Variants in CBX8 observed in about 807,000 individuals in gnomAD.
The protein encoded by CBX8 is chromobox protein homolog 8.
Under a neutral mutation model 39.7 loss-of-function variants are expected in CBX8, and 8 were observed. The ratio of observed to expected loss-of-function variants is 0.20; its 90% CI spans 0.12 to 0.36. The LOEUF is 0.36. Among genes scored for constraint, CBX8 ranks in the 10% least tolerant of loss-of-function variants. The probability of loss-of-function intolerance (pLI) is 1.00; values close to 1 mark genes in which losing one functional copy is unlikely to be tolerated. For synonymous variants in CBX8, 268 were observed against 219.8 expected (o/e 1.22, Z -1.94); for missense variants, 505 against 529.6 (o/e 0.95, Z 0.46).
intron 1 of CBX8, 102 bp downstream of exon 1, chr17:79,796,827 TG>T: frequency 8.9e-7 from 1 of 1,118,698 alleles, no homozygotes; most frequent in Non-Finnish European, 1.2e-6. Context: ...CGGCCGCTGC[TG>T]GGACCTGGGG....
chr17:79,795,115 C>G lies in CBX8; in HGVS notation c.690G>C (p.Lys230Asn). The G allele has an allele frequency of 1.2e-6, 2 of 1,613,316 alleles. No homozygotes were observed. Among genetic ancestry groups the G allele is most frequent in the Non-Finnish European group, 8.5e-7 (1 of 1,179,764 alleles). The change falls in exon 5 of 5, where the codon AAG becomes AAC. Residue 230 changes from lysine (K) to asparagine (N), a missense_variant. By Grantham distance (94) the Lys-to-Asn change is moderately conservative. Around this residue, in one of 3 missense-constraint regions of CBX8, gnomAD observed 456 missense variants for 389.2 expected, o/e 1.17. Transcript: ENST00000269385. The surrounding 1 kb of genome is among the most constrained non-coding windows in gnomAD (Gnocchi z 5.8). ...CTGCCCCGGAAGGGGTGTCGTCCAG[C>G]TTCCTGCCCTTGAGGTACTCTCCGA... ...AGLGEYLKGR[K>N]LDDTPSGAGK...
Position 79,797,037 on chromosome 17 carries a change from C to G in CBX8, c.-39G>C, listed in dbSNP as rs1908125123. Reference sequence around the variant, plus strand: ...TTCCCCCCTTGGCCGCTTCCAGGAGCAGAAAAGCAGCAGCCAGCGCACGAC... The same window carrying G: ...TTCCCCCCTTGGCCGCTTCCAGGAGGAGAAAAGCAGCAGCCAGCGCACGAC... On this transcript the variant is annotated 5_prime_UTR_variant, in exon 1 of 5. Transcript: ENST00000269385. The G allele has an allele frequency of 6.3e-7, 1 of 1,588,810 alleles. No individual in the cohort carries two copies. The highest frequency in any genetic ancestry group is 8.6e-7 in the Non-Finnish European group (1 of 1,166,714).
Position 79,795,568 on chromosome 17 carries a change from A to G in CBX8, c.247-10T>C. The G allele has an allele frequency of 6.6e-7, 1 of 1,505,848 alleles. No individual in the cohort carries two copies. The allele number at this position is 1,505,848 out of a possible 1,614,324, so 93.3% of individuals were successfully genotyped here. A position where few individuals can be genotyped will look rare whatever the true frequency, so the allele number is the denominator to read the frequency against. ...TTGCCTTGGCCTGCGCCTGCAGGAG[A>G]GAAGATGGTCTCAAGAGTGGGGCAG... On this transcript the variant is annotated splice_polypyrimidine_tract_variant and intron_variant, in intron 4 of 4. Coordinates refer to ENST00000269385, the MANE Select transcript of CBX8 (RefSeq NM_020649.3). The surrounding 1 kb of genome is among the most constrained non-coding windows in gnomAD (Gnocchi z 5.8).
chr17:79,796,878 C>CCGGGAGGGGAGGGAACCCGGGT, intron 1 of CBX8, 52 bp downstream of exon 1: 1 of 1,525,654 alleles, frequency 6.6e-7, no homozygotes, highest in Non-Finnish European at 8.9e-7. Flanking sequence ...GGAACCCGGG[C>CCGGGAGGGGAGGGAACCCGGGT]CGGGAGGGGA....
In CBX8 at chr17:79,793,456, G is replaced by C. The variant is rs1225930980; in HGVS notation, c.*1179C>G. ...TAGCCCCAGCTCCGAGCTCCGAGCC[G>C]TGGTCCTCAGCCACACTCCAAGCCT... On this transcript the variant is annotated 3_prime_UTR_variant, in exon 5 of 5. Transcript: ENST00000269385. 1 of 152,258 alleles carries C rather than the reference G, an allele frequency of 6.6e-6. No individual in the cohort carries two copies. The highest frequency in any genetic ancestry group is 1.5e-5 in the Non-Finnish European group (1 of 68,052). 9.4% of individuals were successfully genotyped at this position (152,258 alleles called of 1,614,324 possible).
Position 79,794,822 on chromosome 17 carries a change from C to A in CBX8, c.983G>T (p.Gly328Val). The change falls in exon 5 of 5, where the codon GGG becomes GTG. Residue 328 changes from glycine (G) to valine (V), a missense_variant. By Grantham distance (109) the Gly-to-Val change is moderately radical. Coordinates refer to ENST00000269385, the MANE Select transcript of CBX8 (RefSeq NM_020649.3). Reference protein sequence around the residue: ...GGLYRDMGAQGGRPSLIARIP... With the variant: ...GGLYRDMGAQVGRPSLIARIP... ...CCTGGCGATGAGGGAGGGCCTTCCC[C>A]CCTGGGCCCCCATGTCCCGGTACAG... 1 of 1,610,470 alleles carries A rather than the reference C, an allele frequency of 6.2e-7. No homozygotes were observed. The highest frequency in any genetic ancestry group is 8.5e-7 in the Non-Finnish European group (1 of 1,178,562).
In CBX8 at chr17:79,794,968, G is replaced by A. The variant is rs1175057060; in HGVS notation, c.837C>T (p.Thr279=). The A allele has an allele frequency of 6.2e-7, 1 of 1,604,754 alleles. No homozygotes were observed. The highest frequency in any genetic ancestry group is 8.5e-7 in the Non-Finnish European group (1 of 1,175,050). The stretch of plus-strand genomic sequence containing the variant: ...TGTGCTTTATCACCCTGGCCGGGAA[G>A]GTGTCCACAGCCAGTTTGCCCGTGG... ...AEATGKLAVD[T]FPARVIKHRA... Residue 279 remains threonine, a synonymous_variant, in exon 5 of 5, where the codon ACC becomes ACT. Transcript: ENST00000269385.
At position 79,795,229 on chromosome 17, in the gene CBX8, C is replaced by G. The variant is rs200482020; in HGVS notation, c.576G>C (p.Pro192=). ...GGCCTCGCTTCTTCGAGCTGTCCCCCGGTGAGCTGGGCTTGTCATCCACTC... is the reference window on the plus strand; with the variant it reads ...GGCCTCGCTTCTTCGAGCTGTCCCCGGGTGAGCTGGGCTTGTCATCCACTC... ...TSRVDDKPSS[P]GDSSKKRGPK... Residue 192 remains proline (P), a synonymous_variant, in exon 5 of 5, where the codon CCG becomes CCC. Coordinates refer to ENST00000269385, the MANE Select transcript of CBX8 (RefSeq NM_020649.3). This position sits in a 1 kb window ranked among gnomAD's most constrained non-coding sequence, Gnocchi z 5.8. 1.9e-6 allele frequency: 3 copies of G among 1,612,896 alleles called. No homozygotes were observed. The highest frequency in any genetic ancestry group is 8.5e-7 in the Non-Finnish European group (1 of 1,179,622).
rs1482671520 is a variant in CBX8, at chr17:79,795,138, C to T, written c.667G>A (p.Gly223Arg). 3 of 1,613,584 alleles carry T rather than the reference C, an allele frequency of 1.9e-6. No individual in the cohort carries two copies. Among genetic ancestry groups the T allele is most frequent in the Non-Finnish European group, 2.5e-6 (3 of 1,179,860 alleles). Residue 223 changes from glycine (G) to arginine (R), a missense_variant, in exon 5 of 5, where the codon GGA (glycine) becomes AGA (arginine). Gly to Arg is a moderately radical substitution (Grantham distance 125). Around this residue, in one of 3 missense-constraint regions of CBX8, gnomAD observed 456 missense variants for 389.2 expected, o/e 1.17. Transcript: ENST00000269385. This position sits in a 1 kb window ranked among gnomAD's most constrained non-coding sequence, Gnocchi z 5.8. ...AGCTTCCTGCCCTTGAGGTACTCTC[C>T]GAGGCCGGCGCTGGGTTCGCCTAAG... ...RPLGEPSAGLGEYLKGRKLDD... is the reference protein window; with the variant it reads ...RPLGEPSAGLREYLKGRKLDD...
rs753655247 is a variant in CBX8 at position 79,794,689 on chromosome 17, G to A, written c.1116C>T (p.Thr372=). 1.6e-5 allele frequency: 25 copies of A among 1,595,666 alleles called. No individual in the cohort carries two copies. Among genetic ancestry groups the A allele is most frequent in the Non-Finnish European group, 2.0e-5 (23 of 1,174,738 alleles). Residue 372 remains threonine (T), a synonymous_variant, in exon 5 of 5, where the codon ACC becomes ACT. Coordinates refer to ENST00000269385, the MANE Select transcript of CBX8 (RefSeq NM_020649.3). ...CCGTGTTACTTTCCTTAATGGTGACGGTCAAAAAGTTTGAGGTCACGTCCG... is the reference window on the plus strand; with the variant it reads ...CCGTGTTACTTTCCTTAATGGTGACAGTCAAAAAGTTTGAGGTCACGTCCG... ...VVTDVTSNFL[T]VTIKESNTDQ...
At chr17:79,796,813 GCCGCGGC>G in intron 1 of CBX8, 110 bp downstream of exon 1, 1 of 1,024,854 alleles carries the variant, frequency 9.8e-7, no homozygotes, top group Non-Finnish European at 1.4e-6. Context: ...CGCCGCCACG[GCCGCGGC>G]CGCTGCTGGG....
chr17:79,796,153 C>T (rs370890312), intron 3 of CBX8, 30 bp from the exon 4 acceptor site: 40 of 1,612,788 alleles, frequency 2.5e-5, no homozygotes, highest in Middle Eastern at 1.6e-4. Flanking sequence ...AGAAAGGGTG[C>T]GTGAGTAAAG....
In CBX8 at chr17:79,797,014, C is replaced by T. The variant is rs74935176; in HGVS notation, c.-16G>A. 6.2e-7 allele frequency: 1 copy of T among 1,603,806 alleles called. No individual in the cohort carries two copies. Among genetic ancestry groups the T allele is most frequent in the Non-Finnish European group, 8.5e-7 (1 of 1,175,926 alleles). The stretch of plus-strand genomic sequence containing the variant: ...AAAGCTCCATGTTGACTCGCCGCTT[C>T]CCCCCTTGGCCGCTTCCAGGAGCAG... On this transcript the variant is annotated 5_prime_UTR_variant, in exon 1 of 5. Transcript: ENST00000269385.
At position 79,795,365 on chromosome 17, in the gene CBX8, G is replaced by A. The variant is rs752624120; in HGVS notation, c.440C>T (p.Pro147Leu). ...ATCCCGGTCTCGGTCCCGGTCCCGA[G>A]GGGCCTCTGCGCGGCAGGTGCTGCT... is the stretch of plus-strand genomic sequence containing the variant. ...STSSTCRAEA[P>L]RDRDRDRDRD... The change falls in exon 5 of 5, where the codon CCT becomes CTT. Residue 147 changes from proline (P) to leucine (L), a missense_variant. Physicochemically the swap from Pro to Leu is moderately conservative, Grantham distance 98 (BLOSUM62 -3). This residue lies in a region of CBX8 where 456 missense variants were observed against 389.2 expected (regional missense o/e 1.17). Transcript: ENST00000269385. This position sits in a 1 kb window ranked among gnomAD's most constrained non-coding sequence, Gnocchi z 5.8. The A allele has an allele frequency of 1.3e-5, 20 of 1,595,902 alleles. No individual in the cohort carries two copies. Among genetic ancestry groups the A allele is most frequent in the Admixed American group, 1.8e-5 (1 of 56,500 alleles).
rs762352348 is a variant in CBX8, at chr17:79,795,350, C to G, written c.455G>C (p.Arg152Pro). Residue 152 changes from arginine to proline, a missense_variant, in exon 5 of 5, where the codon CGA (arginine) becomes CCA (proline). Around this residue, in one of 3 missense-constraint regions of CBX8, gnomAD observed 456 missense variants for 389.2 expected, o/e 1.17. Coordinates refer to ENST00000269385, the MANE Select transcript of CBX8 (RefSeq NM_020649.3). The surrounding 1 kb of genome is among the most constrained non-coding windows in gnomAD (Gnocchi z 5.8). ...CRAEAPRDRD[R>P]DRDRDRERDR... ...CCGCTCCCGGTCCCTATCCCGGTCT[C>G]GGTCCCGGTCCCGAGGGGCCTCTGC... is the stretch of plus-strand genomic sequence containing the variant. The G allele has an allele frequency of 1.9e-6, 3 of 1,588,450 alleles. No individual in the cohort carries two copies. Among genetic ancestry groups the G allele is most frequent in the South Asian group, 2.3e-5 (2 of 87,968 alleles).
In CBX8 at chr17:79,795,292, C is replaced by G. The variant is rs1472359440; in HGVS notation, c.513G>C (p.Glu171Asp). The stretch of plus-strand genomic sequence containing the variant: ...GCTCTCGTTCCCTCTCACGTTCCCG[C>G]TCCCTCTCTCGCTCCCTCTCCCTTT... Reference protein sequence around the residue: ...DRERERERERERERERERERG... With the variant: ...DRERERERERDRERERERERG... Residue 171 changes from glutamate (E) to aspartate (D), a missense_variant, in exon 5 of 5, where the codon GAG becomes GAC. Glu to Asp is a conservative substitution (Grantham distance 45, BLOSUM62 2). Transcript: ENST00000269385. The surrounding 1 kb of genome is among the most constrained non-coding windows in gnomAD (Gnocchi z 5.8). 1.3e-6 allele frequency: 2 copies of G among 1,593,910 alleles called. No homozygotes were observed. The highest frequency in any genetic ancestry group is 1.7e-6 in the Non-Finnish European group (2 of 1,169,962).
rs768863136 is a variant in CBX8, at chr17:79,796,133, G to C, written c.180-10C>G. 3 of 1,613,424 alleles carry C rather than the reference G, an allele frequency of 1.9e-6. No homozygotes were observed. Among genetic ancestry groups the C allele is most frequent in the East Asian group, 4.5e-5 (2 of 44,882 alleles). On this transcript the variant is annotated splice_polypyrimidine_tract_variant and intron_variant, in intron 3 of 4. Transcript: ENST00000269385. ...CTCCATCTCTCTTTCCCTGGAGAAA[G>C]AAGAAAAGGAGAAAGGGTGCGTGAG...
chr17:79,794,817 T>C lies in CBX8; in HGVS notation c.988A>G (p.Arg330Gly). The change falls in exon 5 of 5, where the codon AGG becomes GGG. Residue 330 changes from arginine (R) to glycine (G), a missense_variant. By Grantham distance (125) the Arg-to-Gly change is moderately radical. Around this residue, in one of 3 missense-constraint regions of CBX8, gnomAD observed 456 missense variants for 389.2 expected, o/e 1.17. Transcript: ENST00000269385. Reference protein sequence around the residue: ...LYRDMGAQGGRPSLIARIPVA... With the variant: ...LYRDMGAQGGGPSLIARIPVA... ...GGGATCCTGGCGATGAGGGAGGGCC[T>C]TCCCCCCTGGGCCCCCATGTCCCGG... 6.2e-7 allele frequency: 1 copy of C among 1,610,778 alleles called. No homozygotes were observed. The highest frequency in any genetic ancestry group is 2.2e-5 in the East Asian group (1 of 44,842).
chr17:79,795,975 C>A lies in CBX8; in HGVS notation c.246+82G>T. 1 of 1,243,456 alleles carries A rather than the reference C, an allele frequency of 8.0e-7. No individual in the cohort carries two copies. The highest frequency in any genetic ancestry group is 1.2e-5 in the South Asian group (1 of 80,712). 77.0% of individuals were successfully genotyped at this position (1,243,456 alleles called of 1,614,324 possible). ...AAATAGGCAACATGTGTGGACACCCCATTGGCTCACAGCCCTCAGAGCCCC... is the reference window on the plus strand; with the variant it reads ...AAATAGGCAACATGTGTGGACACCCAATTGGCTCACAGCCCTCAGAGCCCC... On this transcript the variant is annotated intron_variant, in intron 4 of 4. Coordinates refer to ENST00000269385, the MANE Select transcript of CBX8 (RefSeq NM_020649.3). The surrounding 1 kb of genome is among the most constrained non-coding windows in gnomAD (Gnocchi z 5.8).
Sources: allele counts gnomAD v4.1 joint callset, GRCh38; gene constraint gnomAD v4.1.1; regional missense constraint gnomAD v4.1.1; non-coding constraint Gnocchi (gnomAD v3.1); transcripts MANE v1.5; gene names NCBI Gene and HGNC (gene_info 2026-07-23, HGNC 2026-07-21).